DNAJC3: variants seen among roughly 807,000 people sequenced by gnomAD.
DNAJC3 encodes dnaJ homolog subfamily C member 3.
Under a neutral mutation model 68.6 loss-of-function variants are expected in DNAJC3, and 38 were observed. The ratio of observed to expected loss-of-function variants is 0.55; its 90% CI spans 0.43 to 0.73. The LOEUF is 0.73. Among genes scored for constraint, DNAJC3 ranks in the 30% least tolerant of loss-of-function variants. The pLI is 0.00. For synonymous variants in DNAJC3, 203 were observed against 204.0 expected (o/e 1.00, Z 0.04); for missense variants, 526 against 591.9 (o/e 0.89, Z 1.16).
At chr13:95,688,480 A>C (rs1246033287) in intron 1 of DNAJC3, among the ~76,000 whole-genome samples, 1 of 148,342 alleles carries the variant, frequency 6.7e-6, no homozygotes, top group Non-Finnish European at 1.5e-5. Flanking sequence ...GATTTTTATC[A>C]TACAGGGGTG....
intron 9 of DNAJC3, among the ~76,000 whole-genome samples, chr13:95,768,792 T>A (rs1190721580): frequency 6.6e-6 from 1 of 152,056 alleles, no homozygotes; most frequent in African/African-American, 2.4e-5. Flanking sequence ...CTGGTCAACA[T>A]GGTGAAACCC....
intron 9 of DNAJC3, among the ~76,000 whole-genome samples, chr13:95,767,352 A>T (rs1254561193): frequency 6.6e-6 from 1 of 152,054 alleles, no homozygotes; most frequent in Non-Finnish European, 1.5e-5. Context: ...ATGTGACAGG[A>T]TTTCTTTTTC....
At chr13:95,727,641 G>T (rs1383897671) in intron 4 of DNAJC3, among the ~76,000 whole-genome samples, 1 of 152,072 alleles carries the variant, frequency 6.6e-6, no homozygotes, top group Non-Finnish European at 1.5e-5. Flanking sequence ...TAAGAAAATT[G>T]TTTTTGTACC....
At chr13:95,745,236 A>G (rs1028055465) in intron 4 of DNAJC3, 4 of 152,236 alleles carry the variant, frequency 2.6e-5, no homozygotes, top group Non-Finnish European at 4.4e-5. Flanking sequence ...TTAAATTAAT[A>G]TGATATGAAT....
chr13:95,760,842 C>T (rs1044814430), intron 7 of DNAJC3, 44 bp downstream of exon 7: 15 of 1,589,980 alleles, frequency 9.4e-6, no homozygotes, highest in African/African-American at 5.4e-5. Context: ...TCCTTATGTG[C>T]GGGGCTGTGG....
chr13:95,756,181 T>G (rs1224201921), intron 4 of DNAJC3, among the ~76,000 whole-genome samples: 3 of 152,244 alleles, frequency 2.0e-5, no homozygotes, highest in African/African-American at 7.2e-5. Context: ...AAACACGTTA[T>G]CAATAAACTT....
intron 9 of DNAJC3, among the ~76,000 whole-genome samples, chr13:95,769,759 C>T (rs963315756): frequency 6.6e-6 from 1 of 152,212 alleles, no homozygotes; most frequent in Non-Finnish European, 1.5e-5. Flanking sequence ...GCAGACTTCT[C>T]ATTTCTTTTG....
chr13:95,705,818 C>T (rs551407610), intron 1 of DNAJC3, among the ~76,000 whole-genome samples: 9 of 152,286 alleles, frequency 5.9e-5, no homozygotes, highest in South Asian at 2.1e-4. Flanking sequence ...GGATTACAGA[C>T]TTGAGCTACT....
intron 1 of DNAJC3, among the ~76,000 whole-genome samples, chr13:95,696,517 C>G (rs1880443489): frequency 6.6e-6 from 1 of 152,156 alleles, no homozygotes; most frequent in African/African-American, 2.4e-5. Context: ...GTATTTTTAA[C>G]TTTTGGGGAT....
At chr13:95,744,028 GTA>G (rs2139661272) in intron 4 of DNAJC3, among the ~76,000 whole-genome samples, 1 of 152,244 alleles carries the variant, frequency 6.6e-6, no homozygotes, top group South Asian at 2.1e-4. Context: ...GTTAGGAGTC[GTA>G]ATAAACTTAC....
intron 4 of DNAJC3, among the ~76,000 whole-genome samples, chr13:95,755,450 CCT>C (rs1179334314): frequency 6.6e-6 from 1 of 151,510 alleles, no homozygotes; most frequent in African/African-American, 2.4e-5. Context: ...GACCCTGTCC[CCT>C]GTCTCTTTAA....
intron 9 of DNAJC3, among the ~76,000 whole-genome samples, chr13:95,764,669 T>C (rs1204285778): frequency 2.4e-5 from 3 of 124,456 alleles, no homozygotes; most frequent in African/African-American, 9.9e-5. Flanking sequence ...TATATATATA[T>C]ATATATATAT....
At chr13:95,688,527 T>G (rs1880129188) in intron 1 of DNAJC3, among the ~76,000 whole-genome samples, 2 of 152,054 alleles carry the variant, frequency 1.3e-5, no homozygotes, top group African/African-American at 4.8e-5. Flanking sequence ...CAGTTTTTTT[T>G]TTTTTTGAGA....
intron 2 of DNAJC3, among the ~76,000 whole-genome samples, chr13:95,717,752 T>C (rs1881198192): frequency 6.6e-6 from 1 of 152,216 alleles, no homozygotes; most frequent in African/African-American, 2.4e-5. Context: ...TCTGCTGCCA[T>C]GTAAGATGTG....
Position 95,709,305 on chromosome 13 carries a change from C to G in DNAJC3, c.161C>G (p.Ala54Gly). 1 of 1,588,638 alleles carries G rather than the reference C, an allele frequency of 6.3e-7. No individual in the cohort carries two copies. Among genetic ancestry groups the G allele is most frequent in the South Asian group, 1.2e-5 (1 of 85,616 alleles). Residue 54 changes from alanine (A) to glycine (G), a missense_variant, in exon 2 of 12, where the codon GCT becomes GGT. Transcript: ENST00000602402. ...GKKLLAAGQLADALSQFHAAV... is the reference protein window; with the variant it reads ...GKKLLAAGQLGDALSQFHAAV... ...AAATTACTTGCAGCTGGACAGCTAG[C>G]TGATGCTTTATCTCAGTTTCATGCT...
chr13:95,723,654 T>C (rs186644594), intron 3 of DNAJC3, among the ~76,000 whole-genome samples: 9 of 152,202 alleles, frequency 5.9e-5, no homozygotes, highest in Admixed American at 1.3e-4. Context: ...TGAGGCAAGA[T>C]GTGAGGCTGA....
chr13:95,749,156 T>C (rs1484767759), intron 4 of DNAJC3, among the ~76,000 whole-genome samples: 1 of 152,284 alleles, frequency 6.6e-6, no homozygotes, highest in Non-Finnish European at 1.5e-5. Context: ...GAGACTTAGA[T>C]ATGCATTTTT....
intron 1 of DNAJC3, among the ~76,000 whole-genome samples, chr13:95,702,642 A>G (rs772664275): frequency 3.3e-5 from 5 of 152,218 alleles, no homozygotes; most frequent in Admixed American, 3.3e-4. Context: ...AGTGCAGTCT[A>G]TTAGGCCCTC....
At chr13:95,715,300 G>A (rs895061115) in intron 2 of DNAJC3, among the ~76,000 whole-genome samples, 2 of 152,140 alleles carry the variant, frequency 1.3e-5, no homozygotes, top group African/African-American at 2.4e-5. Flanking sequence ...CTACTTGGGA[G>A]GCTGAGGTGG....
Sources: gnomAD v4.1 joint callset for allele counts (sites outside exome capture counted in the v4.1 genomes callset) on GRCh38, gnomAD v4.1.1 for gene constraint, MANE v1.5 for transcripts, NCBI Gene and HGNC (gene_info 2026-07-23, HGNC 2026-07-21) for gene names.